The following OR2C1 variants were observed in gnomAD, a reference collection of about 807,000 sequenced individuals.
OR2C1 encodes olfactory receptor 2C1.
For missense variants in OR2C1, 468 were observed against 388.3 expected, an observed-to-expected ratio of 1.21 and a Z score of -1.73; for synonymous variants, 209 against 167.3, an observed-to-expected ratio of 1.25 and a Z score of -1.92.
At chr16:3,323,333 A>G in the OR2C1 span, 1 of 1,103,486 alleles carries the variant, frequency 9.1e-7, no homozygotes, top group Non-Finnish European at 1.4e-6. Flanking sequence ...TCTCCTGGAA[A>G]TGCTTCACTG....
At chr16:3,341,437 TTTTC>T in the OR2C1 span, among the ~76,000 whole-genome samples, 1 of 152,144 alleles carries the variant, frequency 6.6e-6, no homozygotes, top group Non-Finnish European at 1.5e-5. Context: ...TTTAATTTCT[TTTTC>T]TTGCCTAATT....
At chr16:3,342,709 C>G in the OR2C1 span, among the ~76,000 whole-genome samples, 2 of 152,112 alleles carry the variant, frequency 1.3e-5, no homozygotes, top group South Asian at 2.1e-4. Flanking sequence ...GAAACCCTGT[C>G]TCTACTAAAA....
the OR2C1 span, among the ~76,000 whole-genome samples, chr16:3,346,369 C>G: frequency 2.6e-5 from 4 of 152,106 alleles, no homozygotes; most frequent in African/African-American, 7.2e-5. Context: ...AGTACAAAGT[C>G]TAGAGGATCT....
the OR2C1 span, among the ~76,000 whole-genome samples, chr16:3,336,087 T>G: frequency 0.018 from 2,764 of 152,302 alleles, 83 homozygotes; most frequent in African/African-American, 0.063. Flanking sequence ...TTTTGAGGTG[T>G]ATGCCTTCTA....
chr16:3,344,913 C>T, the OR2C1 span, among the ~76,000 whole-genome samples: 20 of 151,588 alleles, frequency 1.3e-4, no homozygotes, highest in Admixed American at 3.3e-4. Flanking sequence ...CCTTTATGGA[C>T]CAGGATGAGA....
chr16:3,335,066 G>A, the OR2C1 span, among the ~76,000 whole-genome samples: 6 of 151,896 alleles, frequency 4.0e-5, no homozygotes, highest in South Asian at 6.2e-4. Flanking sequence ...TGATCTGCCC[G>A]CCTCAGCCTC....
the OR2C1 span, among the ~76,000 whole-genome samples, chr16:3,335,062 G>A: frequency 1.3e-5 from 2 of 151,750 alleles, no homozygotes; most frequent in African/African-American, 2.4e-5. Flanking sequence ...CAGGTGATCT[G>A]CCCGCCTCAG....
the OR2C1 span, among the ~76,000 whole-genome samples, chr16:3,336,925 C>G: frequency 2.0e-5 from 3 of 151,874 alleles, no homozygotes; most frequent in Admixed American, 1.3e-4. Context: ...TCAGGCTGGT[C>G]TCGAACTCCC....
At chr16:3,339,563 T>C in the OR2C1 span, among the ~76,000 whole-genome samples, 1 of 152,126 alleles carries the variant, frequency 6.6e-6, no homozygotes, top group Non-Finnish European at 1.5e-5. Flanking sequence ...TTTACGACAT[T>C]CTCCTACCTC....
chr16:3,323,344 G>T, the OR2C1 span: 1 of 1,107,726 alleles, frequency 9.0e-7, no homozygotes, highest in Non-Finnish European at 1.4e-6. Flanking sequence ...TGCTTCACTG[G>T]GAGGCAATTT....
the OR2C1 span, among the ~76,000 whole-genome samples, chr16:3,338,656 C>A: frequency 1.3e-5 from 2 of 148,862 alleles, no homozygotes; most frequent in Non-Finnish European, 3.0e-5. Flanking sequence ...CCCTTCCTCA[C>A]CCTCCCAAGT....
upstream of OR2C1, among the ~76,000 whole-genome samples, chr16:3,351,965 T>C (rs1044509539): frequency 2.0e-5 from 3 of 151,234 alleles, no homozygotes; most frequent in Non-Finnish European, 4.4e-5. Context: ...CCATGGTCCA[T>C]TCAGCCAGAA....
the OR2C1 span, among the ~76,000 whole-genome samples, chr16:3,340,791 C>T: frequency 6.6e-6 from 1 of 152,140 alleles, no homozygotes; most frequent in African/African-American, 2.4e-5. Flanking sequence ...TCTGGAACCT[C>T]AATTCTATTC....
the OR2C1 span, among the ~76,000 whole-genome samples, chr16:3,324,550 A>G: frequency 1.3e-5 from 2 of 152,222 alleles, no homozygotes; most frequent in South Asian, 4.1e-4. Flanking sequence ...TGAATTGACC[A>G]AGCAACCATG....
chr16:3,353,203 A>C (rs2030601185), upstream of OR2C1, among the ~76,000 whole-genome samples: 1 of 151,900 alleles, frequency 6.6e-6, no homozygotes, highest in African/African-American at 2.4e-5. Flanking sequence ...GATGAAAAGA[A>C]TAAGTAGGCC....
At chr16:3,327,185 G>C in the OR2C1 span, among the ~76,000 whole-genome samples, 6 of 151,914 alleles carry the variant, frequency 3.9e-5, no homozygotes, top group African/African-American at 9.7e-5. Context: ...ACCCCCTCAA[G>C]GCCTTAAAAA....
chr16:3,333,325 T>TA, the OR2C1 span, among the ~76,000 whole-genome samples: 22 of 149,962 alleles, frequency 1.5e-4, no homozygotes, highest in Non-Finnish European at 3.0e-4. Flanking sequence ...AATATTTTCT[T>TA]TTTTTATTTT....
the OR2C1 span, chr16:3,323,528 A>G: frequency 2.7e-6 from 2 of 749,840 alleles, no homozygotes; most frequent in South Asian, 2.7e-5. Context: ...AGGTTCCACT[A>G]TACGCAGCAT....
chr16:3,357,032 C>G lies in OR2C1; in HGVS notation c.*153C>G, dbSNP rs2030693411. The G allele has an allele frequency of 1.5e-6, 1 of 668,706 alleles. No homozygotes were observed. Among genetic ancestry groups the G allele is most frequent in the African/African-American group, 1.8e-5 (1 of 54,852 alleles). The allele number at this position is 668,706 out of a possible 1,614,324, so 41.4% of individuals were successfully genotyped here. On this transcript the variant is annotated 3_prime_UTR_variant, in exon 1 of 1. Coordinates refer to ENST00000304936, the MANE Select transcript of OR2C1 (RefSeq NM_012368.3). ...GCTGACAGCCCTAAGCTGTTGGGAA[C>G]ATGGTTAGTGTTATTCGTAATGTTC...
Sources: gnomAD v4.1 joint callset for allele counts (sites outside exome capture counted in the v4.1 genomes callset) on GRCh38, gnomAD v4.1.1 for gene constraint, MANE v1.5 for transcripts, NCBI Gene and HGNC (gene_info 2026-07-23, HGNC 2026-07-21) for gene names.